Variants in R3HCC1L observed in about 807,000 individuals in gnomAD.
R3HCC1L encodes the protein coiled-coil domain-containing protein R3HCC1L.
R3HCC1L carries 51 observed loss-of-function variants against 59.9 expected under a neutral mutation model. The observed-to-expected ratio is 0.85, with a 90% CI of 0.68 to 1.07. The LOEUF (loss-of-function observed/expected upper bound fraction) is 1.07. Ranked by LOEUF, R3HCC1L falls within the 50% of genes least tolerant of loss-of-function variation. R3HCC1L has a pLI of 0.00. For missense variants in R3HCC1L, 965 were observed against 933.0 expected, an observed-to-expected ratio of 1.03 and a Z score of -0.45; for synonymous variants, 322 against 315.2, an observed-to-expected ratio of 1.02 and a Z score of -0.23.
At chr10:98,230,751 G>C (rs879907543) in intron 5 of R3HCC1L, among the ~76,000 whole-genome samples, 1 of 152,142 alleles carries the variant, frequency 6.6e-6, no homozygotes, top group Non-Finnish European at 1.5e-5. Context: ...CAGTGTCTAG[G>C]TTTTATAACA....
intron 1 of R3HCC1L, among the ~76,000 whole-genome samples, chr10:98,153,040 C>T (rs927010437): frequency 6.6e-5 from 10 of 151,528 alleles, no homozygotes; most frequent in Non-Finnish European, 7.4e-5. Context: ...AGGTGGGGGG[C>T]GCCTCTGCCC....
At chr10:98,234,729 T>G (rs139052270) in intron 7 of R3HCC1L, among the ~76,000 whole-genome samples, 2 of 152,322 alleles carry the variant, frequency 1.3e-5, no homozygotes, top group African/African-American at 4.8e-5. Flanking sequence ...GTCAACACCT[T>G]CCAAGGTTAT....
chr10:98,205,724 G>C (rs1314693933), intron 4 of R3HCC1L, among the ~76,000 whole-genome samples: 1 of 152,048 alleles, frequency 6.6e-6, no homozygotes, highest in East Asian at 1.9e-4. Context: ...TATTACATGT[G>C]AGCATTATTT....
intron 9 of R3HCC1L, among the ~76,000 whole-genome samples, chr10:98,239,582 A>G (rs978828586): frequency 6.6e-6 from 1 of 152,210 alleles, no homozygotes; most frequent in Non-Finnish European, 1.5e-5. Context: ...CTGAATGCTA[A>G]GTCCTCCATG....
chr10:98,240,502 G>A (rs539340063), intron 9 of R3HCC1L, among the ~76,000 whole-genome samples: 2 of 152,310 alleles, frequency 1.3e-5, no homozygotes, highest in South Asian at 4.1e-4. Context: ...TTGAAGGTAG[G>A]TGATTAATTG....
chr10:98,208,033 A>G, intron 4 of R3HCC1L, 68 bp from the exon 5 acceptor site: 2 of 1,413,162 alleles, frequency 1.4e-6, no homozygotes, highest in Middle Eastern at 2.2e-4. Context: ...CCAAAAAGAA[A>G]AAAGAAAATA....
At chr10:98,189,811 T>C (rs1428395011) in intron 4 of R3HCC1L, among the ~76,000 whole-genome samples, 1 of 152,234 alleles carries the variant, frequency 6.6e-6, no homozygotes, top group African/African-American at 2.4e-5. Flanking sequence ...ATTTCTCTGC[T>C]GTCCAAGTAT....
chr10:98,238,842 C>CA (rs1470296528), intron 9 of R3HCC1L, among the ~76,000 whole-genome samples: 2 of 152,222 alleles, frequency 1.3e-5, no homozygotes, highest in African/African-American at 4.8e-5. Flanking sequence ...TTTTCACTGT[C>CA]AGAAAAATCT....
intron 5 of R3HCC1L, among the ~76,000 whole-genome samples, chr10:98,225,608 G>T (rs936147666): frequency 2.0e-5 from 3 of 152,202 alleles, no homozygotes; most frequent in African/African-American, 7.2e-5. Flanking sequence ...GATACAGGAA[G>T]AACTGATCAG....
intron 8 of R3HCC1L, among the ~76,000 whole-genome samples, 175 bp downstream of exon 8, chr10:98,235,695 A>T (rs1856857944): frequency 6.6e-6 from 1 of 152,248 alleles, no homozygotes; most frequent in Non-Finnish European, 1.5e-5. Context: ...GAAATATGGC[A>T]TCTGAGCAGC....
At chr10:98,154,738 C>T (rs1846667550) in intron 1 of R3HCC1L, among the ~76,000 whole-genome samples, 1 of 152,136 alleles carries the variant, frequency 6.6e-6, no homozygotes, top group African/African-American at 2.4e-5. Context: ...GGGTAGATAA[C>T]AGTTAATTGT....
chr10:98,197,493 ATGTT>A (rs1344556853), intron 4 of R3HCC1L, among the ~76,000 whole-genome samples: 4 of 152,210 alleles, frequency 2.6e-5, no homozygotes, highest in Admixed American at 6.5e-5. Context: ...ATGTGTTTAA[ATGTT>A]TGTTGATTGA....
intron 4 of R3HCC1L, among the ~76,000 whole-genome samples, chr10:98,205,708 A>C (rs1852559906): frequency 6.6e-6 from 1 of 152,186 alleles, no homozygotes; most frequent in African/African-American, 2.4e-5. Context: ...CAGCTATAGG[A>C]AATAGTATTA....
intron 1 of R3HCC1L, among the ~76,000 whole-genome samples, chr10:98,152,636 C>CTGG (rs1846328198): frequency 8.0e-6 from 1 of 124,306 alleles, no homozygotes; most frequent in Non-Finnish European, 1.8e-5. Context: ...GCGCCTCTGC[C>CTGG]CCGCCACCCC....
chr10:98,172,742 G>A (rs908406369), intron 4 of R3HCC1L, among the ~76,000 whole-genome samples: 2 of 152,200 alleles, frequency 1.3e-5, no homozygotes, highest in Non-Finnish European at 2.9e-5. Context: ...GGTTTGGCGG[G>A]ATGTGGCAGC....
In R3HCC1L at chr10:98,134,871, T is replaced by C. The variant is rs546387942; in HGVS notation, c.-268+165T>C. Among the ~76,000 whole-genome samples, 28 of 152,290 alleles carry C rather than the reference T, an allele frequency of 1.8e-4. No homozygotes were observed. The South Asian group carries it at 5.6e-3, about 30-fold the overall frequency. ...GCCGCCCCCTGCCTGGGGCGGAGGTTACTGGGAAGCTCCCGCCTTCTGACC... is the reference window on the plus strand; with the variant it reads ...GCCGCCCCCTGCCTGGGGCGGAGGTCACTGGGAAGCTCCCGCCTTCTGACC... On this transcript the variant is annotated intron_variant, in intron 1 of 9. Transcript: ENST00000298999.
intron 5 of R3HCC1L, among the ~76,000 whole-genome samples, chr10:98,223,796 G>A (rs1009757564): frequency 2.0e-5 from 3 of 152,202 alleles, no homozygotes; most frequent in East Asian, 1.9e-4. Context: ...TTCAGGCAGC[G>A]TTCTGTGCAC....
At chr10:98,143,460 T>A (rs1405868040) in intron 1 of R3HCC1L, among the ~76,000 whole-genome samples, 1 of 152,244 alleles carries the variant, frequency 6.6e-6, no homozygotes, top group African/African-American at 2.4e-5. Context: ...CTTGGTTTTT[T>A]CCTCCAGTAT....
intron 4 of R3HCC1L, 49 bp from the exon 5 acceptor site, chr10:98,208,052 C>T (rs528750317): frequency 2.0e-6 from 3 of 1,491,688 alleles, no homozygotes; most frequent in South Asian, 1.3e-5. Context: ...TATTTTGGTT[C>T]AATACATTGT....
Sources: gnomAD v4.1 joint callset for allele counts (sites outside exome capture counted in the v4.1 genomes callset) on GRCh38, gnomAD v4.1.1 for gene constraint, MANE v1.5 for transcripts, NCBI Gene and HGNC (gene_info 2026-07-23, HGNC 2026-07-21) for gene names.